The following PDE1C variants were observed in gnomAD, a reference collection of about 807,000 sequenced individuals.
PDE1C encodes phosphodiesterase 1C.
Under a neutral mutation model 93.1 loss-of-function variants are expected in PDE1C, and 62 were observed. The ratio of observed to expected loss-of-function variants is 0.67; its 90% CI spans 0.54 to 0.82. The LOEUF is 0.82. PDE1C is among the 40% of genes least tolerant of loss of function. The probability of loss-of-function intolerance (pLI) is 0.00; values close to 1 mark genes in which losing one functional copy is unlikely to be tolerated. For missense variants in PDE1C, 742 were observed against 884.6 expected (o/e 0.84, Z 2.04); for synonymous variants, 325 against 310.1 (o/e 1.05, Z -0.50).
intron 17 of PDE1C, among the ~76,000 whole-genome samples, chr7:31,757,921 A>G (rs973119911): frequency 3.9e-5 from 6 of 152,168 alleles, no homozygotes; most frequent in Non-Finnish European, 7.4e-5. Context: ...TGATAGACTG[A>G]ATTAAGAAAA....
intron 1 of PDE1C, among the ~76,000 whole-genome samples, chr7:32,053,233 A>C (rs967929462): frequency 6.6e-6 from 1 of 152,194 alleles, no homozygotes; most frequent in African/African-American, 2.4e-5. Context: ...TGTTATGAGA[A>C]ATAAATGAGA....
the PDE1C span, among the ~76,000 whole-genome samples, chr7:31,634,922 G>A: frequency 2.0e-5 from 3 of 152,266 alleles, no homozygotes; most frequent in South Asian, 2.1e-4. Context: ...GCAATGAGAC[G>A]TCTCAAGTTC....
At chr7:31,853,953 CTG>C (rs902696537) in intron 7 of PDE1C, among the ~76,000 whole-genome samples, 5 of 147,786 alleles carry the variant, frequency 3.4e-5, no homozygotes, top group Admixed American at 2.7e-4. Flanking sequence ...TCTCTAACTT[CTG>C]AGCTCAAGCA....
At chr7:32,032,320 G>T (rs1430763160) in intron 2 of PDE1C, among the ~76,000 whole-genome samples, 1 of 152,124 alleles carries the variant, frequency 6.6e-6, no homozygotes, top group Non-Finnish European at 1.5e-5. Flanking sequence ...TGACTGTCAG[G>T]CTGTGTCCCA....
chr7:32,149,563 T>C (rs769486077), intron 3 of PDE1C, among the ~76,000 whole-genome samples: 18 of 152,248 alleles, frequency 1.2e-4, no homozygotes, highest in Non-Finnish European at 2.5e-4. Context: ...TGTCCAGATA[T>C]GGAGAGACAG....
intron 2 of PDE1C, among the ~76,000 whole-genome samples, chr7:31,974,909 A>C (rs1811449917): frequency 6.6e-6 from 1 of 152,202 alleles, no homozygotes; most frequent in South Asian, 2.1e-4. Context: ...CAGCTCAATA[A>C]AACTATTTGG....
rs111402714 is a variant in PDE1C, at chr7:31,899,729, C to T, written c.129-18869G>A. Among the ~76,000 whole-genome samples, 816 of 152,210 alleles carry T rather than the reference C, an allele frequency of 5.4e-3. 5 individuals carry two copies. Among genetic ancestry groups the T allele is most frequent in the Middle Eastern group, 0.014 (4 of 294 alleles). The stretch of plus-strand genomic sequence containing the variant: ...TGTGTAAACCCTTAGTATGAGCAGG[C>T]CTATGTAAATAGCAGATTAATCTAT... On this transcript the variant is annotated intron_variant, in intron 2 of 17. Transcript: ENST00000396191.
At chr7:31,840,267 C>A (rs1260565800) in intron 9 of PDE1C, among the ~76,000 whole-genome samples, 1 of 151,970 alleles carries the variant, frequency 6.6e-6, no homozygotes, top group African/African-American at 2.4e-5. Context: ...CATTTGTATA[C>A]ATTTTTTAGG....
At chr7:32,235,211 T>A (rs1340000084) in intron 1 of PDE1C, among the ~76,000 whole-genome samples, 5 of 151,172 alleles carry the variant, frequency 3.3e-5, no homozygotes, top group Non-Finnish European at 5.9e-5. Context: ...AATAAGGGAA[T>A]AAAGGAAAAT....
chr7:32,350,588 ATATT>A (rs1371523203), intron 1 of PDE1C, among the ~76,000 whole-genome samples: 2 of 2,692 alleles, frequency 7.4e-4, no homozygotes, highest in African/African-American at 1.6e-3. Flanking sequence ...ATATATATAT[ATATT>A]TTTTTTTTTT....
chr7:32,284,462 C>T (rs1811873164), intron 1 of PDE1C, among the ~76,000 whole-genome samples: 1 of 152,136 alleles, frequency 6.6e-6, no homozygotes, highest in Non-Finnish European at 1.5e-5. Context: ...AGTTAGTTCC[C>T]CTTGAAAAGT....
intron 1 of PDE1C, among the ~76,000 whole-genome samples, chr7:32,311,408 G>A (rs1276382955): frequency 6.6e-6 from 1 of 152,160 alleles, no homozygotes; most frequent in African/African-American, 2.4e-5. Flanking sequence ...ATTTTCTGAG[G>A]CCAGCATCAT....
At chr7:32,000,331 G>A (rs1785298072) in intron 2 of PDE1C, among the ~76,000 whole-genome samples, 1 of 152,184 alleles carries the variant, frequency 6.6e-6, no homozygotes. Context: ...GAGAACTCAA[G>A]ACAAGTAGGC....
intron 2 of PDE1C, among the ~76,000 whole-genome samples, chr7:32,016,365 T>C (rs2128600953): frequency 6.6e-6 from 1 of 152,362 alleles, no homozygotes; most frequent in African/African-American, 2.4e-5. Flanking sequence ...TTGCCTACCC[T>C]GAATCAGTAT....
At chr7:31,723,900 C>G in the PDE1C span, among the ~76,000 whole-genome samples, 1 of 152,148 alleles carries the variant, frequency 6.6e-6, no homozygotes, top group Non-Finnish European at 1.5e-5. Flanking sequence ...AAGCTCCTAC[C>G]ACCCTCAGTC....
intron 7 of PDE1C, among the ~76,000 whole-genome samples, chr7:31,861,807 C>CT (rs1381311627): frequency 2.0e-5 from 3 of 152,150 alleles, no homozygotes; most frequent in Non-Finnish European, 4.4e-5. Flanking sequence ...CACAGTAATC[C>CT]TTTTTGAATC....
intron 1 of PDE1C, among the ~76,000 whole-genome samples, chr7:32,060,436 A>T (rs937786719): frequency 5.9e-5 from 9 of 152,106 alleles, no homozygotes; most frequent in African/African-American, 2.2e-4. Context: ...TTCCTATTTC[A>T]TCCAAAATCC....
At chr7:32,353,713 T>A (rs1783976425) in intron 1 of PDE1C, among the ~76,000 whole-genome samples, 1 of 152,230 alleles carries the variant, frequency 6.6e-6, no homozygotes, top group Non-Finnish European at 1.5e-5. Context: ...TCTTTGAGAT[T>A]GTTTTAAATT....
In PDE1C at chr7:31,824,365, C is replaced by T. The variant is rs868233494; in HGVS notation, c.1406+502G>A. On this transcript the variant is annotated intron_variant, in intron 13 of 17. Coordinates refer to ENST00000396191, the MANE Select transcript of PDE1C (RefSeq NM_001191057.4). Reference sequence around the variant, plus strand: ...TGGGGGAAGTGAGACAATTGGCCTGCGATTGCACAGCTAGTAAGTGATGAG... The same window carrying T: ...TGGGGGAAGTGAGACAATTGGCCTGTGATTGCACAGCTAGTAAGTGATGAG... Among the ~76,000 whole-genome samples the T allele has an allele frequency of 5.3e-5, 8 of 152,144 alleles. No homozygotes were observed. The South Asian group carries it at 1.7e-3, about 32-fold the overall frequency.
Sources: allele counts gnomAD v4.1 joint callset (sites outside exome capture counted in the v4.1 genomes callset), GRCh38; gene constraint gnomAD v4.1.1; transcripts MANE v1.5; gene names NCBI Gene and HGNC (gene_info 2026-07-23, HGNC 2026-07-21).